ZNF608: variants seen among roughly 807,000 people sequenced by gnomAD.
The protein encoded by ZNF608 is zinc finger protein 608.
Under a neutral mutation model 109.0 loss-of-function variants are expected in ZNF608, and 12 were observed. That is an observed-to-expected ratio of 0.11 (90% CI 0.07 to 0.18). ZNF608 has a LOEUF of 0.18. Among genes scored for constraint, ZNF608 ranks in the 10% least tolerant of loss-of-function variants. ZNF608 has a pLI of 1.00. For missense variants in ZNF608, 1,707 were observed against 1,879.3 expected, an observed-to-expected ratio of 0.91 and a Z score of 1.70; for synonymous variants, 732 against 717.4, an observed-to-expected ratio of 1.02 and a Z score of -0.33.
intron 2 of ZNF608, among the ~76,000 whole-genome samples, chr5:124,730,959 T>G (rs1351307049): frequency 2.0e-5 from 3 of 152,226 alleles, no homozygotes; most frequent in Non-Finnish European, 4.4e-5. Flanking sequence ...CAGGAAGGAT[T>G]AAAACTGTAG....
chr5:124,676,296 GAA>G (rs10583409), intron 3 of ZNF608, among the ~76,000 whole-genome samples: 42,781 of 151,934 alleles, frequency 0.28, 6,044 homozygotes, highest in Middle Eastern at 0.32. Context: ...ATATGGAAAT[GAA>G]GTAGGCACTT....
At chr5:124,645,979 TA>T (rs1475054594) in intron 5 of ZNF608, among the ~76,000 whole-genome samples, 1 of 152,014 alleles carries the variant, frequency 6.6e-6, no homozygotes, top group Non-Finnish European at 1.5e-5. Flanking sequence ...AAATGGAAAA[TA>T]AATATTTCAG....
chr5:124,724,808 A>C (rs534620634), intron 2 of ZNF608, among the ~76,000 whole-genome samples: 10 of 152,244 alleles, frequency 6.6e-5, no homozygotes, highest in African/African-American at 2.4e-4. Context: ...ATCTCCCTCA[A>C]CCACTGAGAA....
At chr5:124,708,958 G>A (rs1008950106) in intron 2 of ZNF608, among the ~76,000 whole-genome samples, 2 of 152,030 alleles carry the variant, frequency 1.3e-5, no homozygotes, top group Non-Finnish European at 2.9e-5. Flanking sequence ...GATCACCTGT[G>A]GTCAGGAGTT....
intron 3 of ZNF608, among the ~76,000 whole-genome samples, chr5:124,685,864 C>A (rs1039092504): frequency 2.0e-5 from 3 of 152,140 alleles, no homozygotes; most frequent in African/African-American, 7.2e-5. Flanking sequence ...CATAGATTCC[C>A]CCATACTTCA....
chr5:124,688,085 AG>A (rs1752473119), intron 3 of ZNF608, among the ~76,000 whole-genome samples: 1 of 152,194 alleles, frequency 6.6e-6, no homozygotes, highest in Non-Finnish European at 1.5e-5. Flanking sequence ...TTGCAGAGAC[AG>A]CAACAAAAGT....
At chr5:124,661,535 G>A (rs139110842) in intron 3 of ZNF608, among the ~76,000 whole-genome samples, 237 of 150,770 alleles carry the variant, frequency 1.6e-3, no homozygotes, top group African/African-American at 5.2e-3. Context: ...AACGTGCTTA[G>A]AGACCAGCTC....
chr5:124,648,506 T>C lies in ZNF608; in HGVS notation c.1878A>G (p.Ala626=), dbSNP rs1402194662. The change falls in exon 5 of 10, where the codon GCA becomes GCG. Residue 626 remains alanine (A), a synonymous_variant. Coordinates refer to ENST00000513986, the MANE Select transcript of ZNF608 (RefSeq NM_020747.3). ...VSAYDQLKAP[A]SPGAGNPPGT... is the part of the protein sequence containing the mutation. ...CAGGTGGGTTTCCAGCACCAGGGGA[T>C]GCCGGTGCCTTCAACTGGTCATAAG... The C allele has an allele frequency of 1.9e-6, 3 of 1,614,226 alleles. No homozygotes were observed. The highest frequency in any genetic ancestry group is 2.5e-6 in the Non-Finnish European group (3 of 1,180,046).
At chr5:124,654,877 T>A (rs7705134) in intron 3 of ZNF608, among the ~76,000 whole-genome samples, 172 of 152,316 alleles carry the variant, frequency 1.1e-3, no homozygotes, top group African/African-American at 4.1e-3. Context: ...ACTTCCCAGG[T>A]CTGAACTTAA....
chr5:124,690,698 A>G (rs1032687621), intron 3 of ZNF608, among the ~76,000 whole-genome samples: 1 of 151,914 alleles, frequency 6.6e-6, no homozygotes, highest in Non-Finnish European at 1.5e-5. Flanking sequence ...AACACAAACA[A>G]AAAAAACCTT....
intron 2 of ZNF608, among the ~76,000 whole-genome samples, chr5:124,717,989 G>T (rs542401957): frequency 1.3e-5 from 2 of 152,216 alleles, no homozygotes; most frequent in South Asian, 4.1e-4. Flanking sequence ...ACACCTTGAC[G>T]CAGGGGCTCA....
chr5:124,726,940 C>T (rs1182690070), intron 2 of ZNF608, among the ~76,000 whole-genome samples: 2 of 152,334 alleles, frequency 1.3e-5, no homozygotes, highest in East Asian at 1.9e-4. Flanking sequence ...ACTGGGATTC[C>T]GGGCTTTGGA....
At chr5:124,718,036 T>C (rs1479690976) in intron 2 of ZNF608, among the ~76,000 whole-genome samples, 4 of 152,212 alleles carry the variant, frequency 2.6e-5, no homozygotes, top group African/African-American at 7.2e-5. Context: ...GCTCTCTCAC[T>C]ACTCCACCCT....
chr5:124,705,606 T>C lies in ZNF608; in HGVS notation c.907-4337A>G, dbSNP rs139874120. Among the ~76,000 whole-genome samples, 5 of 152,334 alleles carry C rather than the reference T, an allele frequency of 3.3e-5. No homozygotes were observed. In the East Asian group the frequency reaches 9.6e-4, roughly 29 times the overall value. ...TATCCTACTATATTTAACATAAATCTATAATCCCCTCCAAATGCATGGTTA... is the reference window on the plus strand; with the variant it reads ...TATCCTACTATATTTAACATAAATCCATAATCCCCTCCAAATGCATGGTTA... On this transcript the variant is annotated intron_variant, in intron 2 of 9. Transcript: ENST00000513986.
At chr5:124,678,873 A>G (rs1198499836) in intron 3 of ZNF608, among the ~76,000 whole-genome samples, 8 of 152,106 alleles carry the variant, frequency 5.3e-5, no homozygotes, top group Admixed American at 5.2e-4. Flanking sequence ...TAAGTCAGAA[A>G]AGTCCTGGGC....
intron 3 of ZNF608, among the ~76,000 whole-genome samples, chr5:124,694,133 G>A (rs1166263831): frequency 6.0e-5 from 8 of 132,884 alleles, no homozygotes; most frequent in African/African-American, 8.4e-5. Context: ...CCGCCACCAC[G>A]CTCGGCTAAT....
chr5:124,712,813 C>T (rs1008913777), intron 2 of ZNF608, among the ~76,000 whole-genome samples: 1 of 152,164 alleles, frequency 6.6e-6, no homozygotes, highest in Admixed American at 6.5e-5. Flanking sequence ...AGTGTTGCCC[C>T]TACACCAACC....
chr5:124,712,019 T>C (rs1022567123), intron 2 of ZNF608, among the ~76,000 whole-genome samples: 6 of 152,096 alleles, frequency 3.9e-5, no homozygotes, highest in African/African-American at 1.4e-4. Flanking sequence ...TGTAGGTGTG[T>C]GCCTATAATC....
At chr5:124,711,836 G>A (rs183476854) in intron 2 of ZNF608, among the ~76,000 whole-genome samples, 6 of 152,336 alleles carry the variant, frequency 3.9e-5, no homozygotes, top group Non-Finnish European at 7.4e-5. Flanking sequence ...GCCAGGCTAA[G>A]AATCTGGGGG....
Sources: allele counts gnomAD v4.1 joint callset (sites outside exome capture counted in the v4.1 genomes callset), GRCh38; gene constraint gnomAD v4.1.1; transcripts MANE v1.5; gene names NCBI Gene and HGNC (gene_info 2026-07-23, HGNC 2026-07-21).